C17orf67: variants seen among roughly 807,000 people sequenced by gnomAD.
C17orf67 encodes the protein uncharacterized protein C17orf67.
Under a neutral mutation model 11.2 loss-of-function variants are expected in C17orf67, and 12 were observed. That is an observed-to-expected ratio of 1.07 (90% CI 0.68 to 1.73). The LOEUF (loss-of-function observed/expected upper bound fraction) is 1.73. Ranked by LOEUF, C17orf67 falls within the 40% of genes most tolerant of loss-of-function variation. C17orf67 has a pLI of 0.00. For synonymous variants in C17orf67, 59 were observed against 46.9 expected, an observed-to-expected ratio of 1.26 and a Z score of -1.05; for missense variants, 115 against 113.5, an observed-to-expected ratio of 1.01 and a Z score of -0.06.
Position 56,792,235 on chromosome 17 carries a change from G to C in C17orf67, c.*138C>G, listed in dbSNP as rs567089181. 1 of 152,352 alleles carries C rather than the reference G, an allele frequency of 6.6e-6. No homozygotes were observed. The highest frequency in any genetic ancestry group is 1.9e-4 in the East Asian group (1 of 5,194). 9.4% of individuals were successfully genotyped at this position (152,352 alleles called of 1,614,324 possible). A position where few individuals can be genotyped will look rare whatever the true frequency, so the allele number is the denominator to read the frequency against. Reference sequence around the variant, plus strand: ...ATTTGCCATTTCCAAGGCAATCTTTGATATGCCCACAGTTCACGAGGTCTG... The same window carrying C: ...ATTTGCCATTTCCAAGGCAATCTTTCATATGCCCACAGTTCACGAGGTCTG... On this transcript the variant is annotated 3_prime_UTR_variant, in exon 8 of 8. Transcript: ENST00000397861.
rs1454097345 is a variant in C17orf67, at chr17:56,832,899, C to CGT, written c.-560_-559dup. 1 of 152,224 alleles carries CGT rather than the reference C, an allele frequency of 6.6e-6. No individual in the cohort carries two copies. Among genetic ancestry groups the CGT allele is most frequent in the East Asian group, 1.9e-4 (1 of 5,208 alleles). 9.4% of individuals were successfully genotyped at this position (152,224 alleles called of 1,614,324 possible). A position where few individuals can be genotyped will look rare whatever the true frequency, so the allele number is the denominator to read the frequency against. On this transcript the variant is annotated splice_region_variant and 5_prime_UTR_variant, in exon 2 of 8. The change abolishes the stop of an existing upstream ORF in the 5' untranslated region. Transcript: ENST00000397861. The stretch of plus-strand genomic sequence containing the variant: ...AATAATATATACATACACACATACA[C>CGT]GTATATATACATCTATATGTGTATT...
chr17:56,805,752 G>A (rs888897237), intron 6 of C17orf67, among the ~76,000 whole-genome samples: 6 of 151,854 alleles, frequency 4.0e-5, no homozygotes, highest in African/African-American at 1.5e-4. Flanking sequence ...GTTTATAATA[G>A]AAAGATATTG....
intron 4 of C17orf67, among the ~76,000 whole-genome samples, chr17:56,821,156 C>T (rs1905895109): frequency 2.0e-5 from 3 of 152,096 alleles, no homozygotes. Flanking sequence ...CTCCTGGGCT[C>T]AAGTAATCCT....
chr17:56,818,154 T>C (rs62072678), intron 4 of C17orf67, among the ~76,000 whole-genome samples: 3 of 147,700 alleles, frequency 2.0e-5, no homozygotes, highest in Non-Finnish European at 4.5e-5. Flanking sequence ...AGTAGCATTA[T>C]TTAAAAAAAA....
chr17:56,808,234 G>A (rs1905504553), intron 6 of C17orf67, among the ~76,000 whole-genome samples: 1 of 152,156 alleles, frequency 6.6e-6, no homozygotes. Flanking sequence ...CTAACACAAA[G>A]TTTCTGTATG....
At chr17:56,796,866 AG>A (rs11323544) in intron 6 of C17orf67, among the ~76,000 whole-genome samples, 150,091 of 150,094 alleles carry the variant, frequency 1, 75,044 homozygotes, top group Middle Eastern at 1. Flanking sequence ...GTGACCCAAA[AG>A]GGGTCAAAGG....
At position 56,830,044 on chromosome 17, in the gene C17orf67, G is replaced by C. The variant is rs1598003292; in HGVS notation, c.-557+2854C>G. On this transcript the variant is annotated intron_variant, in intron 2 of 7. Transcript: ENST00000397861. ...AAGCACCATTTTTTGGCTTGAGTAT[G>C]TATTTGTTGAAAAATTTGGCCGGGC... Among the ~76,000 whole-genome samples, 3 of 152,100 alleles carry C rather than the reference G, an allele frequency of 2.0e-5. No homozygotes were observed. The South Asian group carries it at 6.2e-4, about 31-fold the overall frequency.
At chr17:56,827,188 G>A (rs559924459) in intron 2 of C17orf67, among the ~76,000 whole-genome samples, 15 of 152,240 alleles carry the variant, frequency 9.9e-5, no homozygotes, top group Non-Finnish European at 2.1e-4. Flanking sequence ...GAGAAAGTGC[G>A]GAGGCTGAAG....
At chr17:56,801,594 C>T (rs1298421549) in intron 6 of C17orf67, among the ~76,000 whole-genome samples, 1 of 152,010 alleles carries the variant, frequency 6.6e-6, no homozygotes, top group African/African-American at 2.4e-5. Flanking sequence ...TCATTTAACT[C>T]ATCAAAATAC....
At chr17:56,816,520 C>T (rs377698120) in intron 4 of C17orf67, among the ~76,000 whole-genome samples, 3 of 152,184 alleles carry the variant, frequency 2.0e-5, no homozygotes, top group East Asian at 3.8e-4. Context: ...CGTCCACTTC[C>T]ATCTTACAGT....
Position 56,792,900 on chromosome 17 carries a change from GGGGTGA to G in C17orf67, c.*21-554_*21-549del, listed in dbSNP as rs1905140859. 3.7e-3 allele frequency among the ~76,000 whole-genome samples: 16 copies of G among 4,280 alleles called. 4 individuals carry two copies. Among genetic ancestry groups the G allele is most frequent in the Non-Finnish European group, 9.2e-3 (15 of 1,622 alleles). 2.8% of individuals were successfully genotyped at this position (4,280 alleles called of 152,430 possible). On this transcript the variant is annotated intron_variant, in intron 7 of 7. Coordinates refer to ENST00000397861, the MANE Select transcript of C17orf67 (RefSeq NM_001085430.4). ...GGTGGTGGTGGTGGTGATGGTGGTG[GGGGTGA>G]TGGTGGTGGTGATGATGGTGTGGGT...
At chr17:56,824,378 G>A (rs745454627) in intron 4 of C17orf67, among the ~76,000 whole-genome samples, 1 of 152,190 alleles carries the variant, frequency 6.6e-6, no homozygotes, top group Non-Finnish European at 1.5e-5. Flanking sequence ...CTATGAGCCA[G>A]ATGAACCATT....
At chr17:56,805,325 C>T (rs1454177830) in intron 6 of C17orf67, among the ~76,000 whole-genome samples, 3 of 152,136 alleles carry the variant, frequency 2.0e-5, no homozygotes, top group Non-Finnish European at 2.9e-5. Flanking sequence ...TTGCAACACA[C>T]CATCATCCCA....
intron 6 of C17orf67, among the ~76,000 whole-genome samples, chr17:56,801,524 T>A (rs763928069): frequency 8.7e-4 from 132 of 152,214 alleles, no homozygotes; most frequent in Non-Finnish European, 1.4e-3. Context: ...TTTCTGATTT[T>A]TTTTTTCTTT....
rs560007885 is a variant in C17orf67, at chr17:56,795,005, T to TC, written c.*20+38dup. 58 of 1,427,278 alleles carry TC rather than the reference T, an allele frequency of 4.1e-5. 1 individual carries two copies. The African/African-American group carries it at 8.0e-4, about 20-fold the overall frequency. 88.4% of individuals were successfully genotyped at this position (1,427,278 alleles called of 1,614,324 possible). A position where few individuals can be genotyped will look rare whatever the true frequency, so the allele number is the denominator to read the frequency against. The stretch of plus-strand genomic sequence containing the variant: ...CCCATGCCATGCTGTCCCCCACCAC[T>TC]CCCTCAGACAGAGGTCCGGGAGAGA... On this transcript the variant is annotated intron_variant, in intron 7 of 7. Transcript: ENST00000397861.
At chr17:56,796,160 T>A (rs1303317381) in intron 6 of C17orf67, among the ~76,000 whole-genome samples, 2 of 152,208 alleles carry the variant, frequency 1.3e-5, no homozygotes, top group Admixed American at 1.3e-4. Flanking sequence ...GAATTACCAT[T>A]CGTACTCCTG....
At chr17:56,831,986 C>A (rs1906217009) in intron 2 of C17orf67, among the ~76,000 whole-genome samples, 2 of 152,182 alleles carry the variant, frequency 1.3e-5, no homozygotes, top group East Asian at 3.9e-4. Context: ...TTCGCTCTGT[C>A]GCCCCGGCTG....
intron 2 of C17orf67, 82 bp downstream of exon 2, chr17:56,832,816 T>C (rs1906258307): frequency 6.6e-6 from 1 of 152,246 alleles, no homozygotes; most frequent in South Asian, 2.1e-4. Context: ...GTGTCTAGCT[T>C]TATCTTCTAC....
Position 56,816,010 on chromosome 17 carries a change from C to T in C17orf67, c.-200G>A. On this transcript the variant is annotated splice_region_variant and 5_prime_UTR_variant, in exon 5 of 8. Transcript: ENST00000397861. ...CCTCCGAATTCCTGTAAATTTTCAT[C>T]CTGAGGAAGGAAATTGTTCCTCTGT... is the stretch of plus-strand genomic sequence containing the variant. The T allele has an allele frequency of 1.8e-6, 2 of 1,109,214 alleles. No homozygotes were observed. The highest frequency in any genetic ancestry group is 2.5e-6 in the Non-Finnish European group (2 of 812,718). 68.7% of individuals were successfully genotyped at this position (1,109,214 alleles called of 1,614,324 possible).
Sources: allele counts gnomAD v4.1 joint callset (sites outside exome capture counted in the v4.1 genomes callset), GRCh38; gene constraint gnomAD v4.1.1; transcripts MANE v1.5; gene names NCBI Gene and HGNC (gene_info 2026-07-23, HGNC 2026-07-21).